The following GRIK3 variants were observed in gnomAD, a reference collection of about 807,000 sequenced individuals.
GRIK3 encodes the protein glutamate ionotropic receptor kainate type subunit 3.
In GRIK3, 29 loss-of-function variants were observed where a neutral mutation model predicts 102.5. The ratio of observed to expected loss-of-function variants is 0.28; its 90% CI spans 0.21 to 0.39. The LOEUF (loss-of-function observed/expected upper bound fraction) is 0.39. Among genes scored for constraint, GRIK3 ranks in the 10% least tolerant of loss-of-function variants. GRIK3 has a pLI of 1.00. For synonymous variants in GRIK3, 511 were observed against 504.9 expected, an observed-to-expected ratio of 1.01 and a Z score of -0.16; for missense variants, 908 against 1,252.4, an observed-to-expected ratio of 0.73 and a Z score of 4.15.
intron 1 of GRIK3, among the ~76,000 whole-genome samples, chr1:36,927,984 A>G (rs1045973758): frequency 1.3e-5 from 2 of 152,336 alleles, no homozygotes; most frequent in Admixed American, 1.3e-4. Flanking sequence ...GGGGGGTACC[A>G]GGCCTTGACT....
At chr1:36,939,406 G>A (rs1641696038) in intron 1 of GRIK3, among the ~76,000 whole-genome samples, 1 of 152,216 alleles carries the variant, frequency 6.6e-6, no homozygotes, top group Admixed American at 6.5e-5. Context: ...AGTAAGGAGA[G>A]CTACGTTGAC....
intron 13 of GRIK3, among the ~76,000 whole-genome samples, chr1:36,807,975 C>T (rs1205233347): frequency 2.0e-5 from 3 of 152,218 alleles, no homozygotes; most frequent in African/African-American, 7.2e-5. Flanking sequence ...TGCTACTCTC[C>T]AGCTACTCCA....
At position 36,841,834 on chromosome 1, in the gene GRIK3, C is replaced by T. The variant is rs1446073073; in HGVS notation, c.1432G>A (p.Gly478Ser). The T allele has an allele frequency of 6.2e-7, 1 of 1,614,048 alleles. No individual in the cohort carries two copies. The highest frequency in any genetic ancestry group is 1.7e-5 in the Admixed American group (1 of 60,010). ...DLLKELAHILGFSYEIRLVED... is the reference protein window; with the variant it reads ...DLLKELAHILSFSYEIRLVED... ...ACCAGCCGGATCTCATAGGAGAAACCAAGGATGTGGGCCAGCTCCTTTAGC... is the reference window on the plus strand; with the variant it reads ...ACCAGCCGGATCTCATAGGAGAAACTAAGGATGTGGGCCAGCTCCTTTAGC... The change falls in exon 10 of 16, where the codon GGT becomes AGT. Residue 478 changes from glycine (G) to serine (S), a missense_variant. By Grantham distance (56) the Gly-to-Ser change is moderately conservative (BLOSUM62 0). This residue lies in a region of GRIK3 where 585 missense variants were observed against 824.9 expected (regional missense o/e 0.71). Coordinates refer to ENST00000373091, the MANE Select transcript of GRIK3 (RefSeq NM_000831.4).
intron 1 of GRIK3, among the ~76,000 whole-genome samples, chr1:36,955,937 C>T (rs1201005934): frequency 4.6e-5 from 7 of 152,236 alleles, no homozygotes; most frequent in African/African-American, 1.7e-4. Flanking sequence ...AACAAAGGCT[C>T]GGCATCAGAC....
intron 1 of GRIK3, among the ~76,000 whole-genome samples, chr1:36,915,282 C>T (rs1057158916): frequency 1.3e-5 from 2 of 152,170 alleles, no homozygotes; most frequent in Non-Finnish European, 2.9e-5. Flanking sequence ...GTACAGTCCA[C>T]CTCTTCTCCC....
intron 1 of GRIK3, among the ~76,000 whole-genome samples, chr1:36,896,946 A>C (rs1001184250): frequency 1.3e-5 from 2 of 152,206 alleles, no homozygotes; most frequent in Non-Finnish European, 2.9e-5. Flanking sequence ...AAAATTCAAC[A>C]ACTATTCATG....
Position 36,929,346 on chromosome 1 carries a change from T to A in GRIK3, c.116-38250A>T, listed in dbSNP as rs187699048. ...TTGTAGAATAAATGGGTGAAGGTAC[T>A]GATGGATGCATGAATAAATTTAGAT... On this transcript the variant is annotated intron_variant, in intron 1 of 15. Coordinates refer to ENST00000373091, the MANE Select transcript of GRIK3 (RefSeq NM_000831.4). Among the ~76,000 whole-genome samples, 232 of 152,314 alleles carry A rather than the reference T, an allele frequency of 1.5e-3. 2 individuals carry two copies. In the South Asian group the frequency reaches 0.017, roughly 11 times the overall value.
intron 1 of GRIK3, among the ~76,000 whole-genome samples, chr1:36,948,982 G>T (rs566853027): frequency 1.3e-5 from 2 of 152,354 alleles, no homozygotes; most frequent in South Asian, 4.1e-4. Context: ...CTGAGCAGGG[G>T]TCAAGGGCAC....
At chr1:36,818,103 G>A (rs979187902) in intron 12 of GRIK3, among the ~76,000 whole-genome samples, 34 of 152,298 alleles carry the variant, frequency 2.2e-4, no homozygotes, top group African/African-American at 3.8e-4. Context: ...TCTGAAAACC[G>A]TCTGCTTTGA....
At chr1:36,859,347 A>G (rs899901457) in intron 6 of GRIK3, 96 bp from the exon 7 acceptor site, 8 of 1,341,460 alleles carry the variant, frequency 6.0e-6, no homozygotes, top group African/African-American at 1.5e-5. Flanking sequence ...CCACAGGTAC[A>G]TGATGTCCTG....
At chr1:36,810,886 C>G (rs568487491) in intron 13 of GRIK3, among the ~76,000 whole-genome samples, 25 of 152,320 alleles carry the variant, frequency 1.6e-4, no homozygotes, top group African/African-American at 5.5e-4. Flanking sequence ...TCACCTCCCC[C>G]CATCCCGGCA....
At chr1:36,991,921 G>A (rs575115541) in intron 1 of GRIK3, among the ~76,000 whole-genome samples, 228 of 152,330 alleles carry the variant, frequency 1.5e-3, no homozygotes, top group Non-Finnish European at 2.7e-3. Context: ...AGTGTGCTGG[G>A]CAGAGCTGGT....
chr1:36,898,958 C>G (rs1441516505), intron 1 of GRIK3, among the ~76,000 whole-genome samples: 1 of 152,094 alleles, frequency 6.6e-6, no homozygotes, highest in Non-Finnish European at 1.5e-5. Flanking sequence ...ACAAATAATG[C>G]TGGAATAACT....
At chr1:36,805,325 C>T in intron 14 of GRIK3, 88 bp from the exon 15 acceptor site, 2 of 1,370,234 alleles carry the variant, frequency 1.5e-6, no homozygotes, top group Non-Finnish European at 2.0e-6. Flanking sequence ...AGGTCACCAC[C>T]ACTAGCCCTC....
intron 5 of GRIK3, among the ~76,000 whole-genome samples, chr1:36,868,002 C>T (rs1640804067): frequency 6.6e-6 from 1 of 152,136 alleles, no homozygotes; most frequent in Non-Finnish European, 1.5e-5. Context: ...ACCCCAGTGA[C>T]CCCAGTACCT....
intron 1 of GRIK3, among the ~76,000 whole-genome samples, chr1:36,939,395 T>C (rs1190416702): frequency 1.3e-5 from 2 of 152,128 alleles, no homozygotes; most frequent in Non-Finnish European, 2.9e-5. Flanking sequence ...CTTCTGCAAA[T>C]AGTAAGGAGA....
intron 10 of GRIK3, among the ~76,000 whole-genome samples, chr1:36,830,259 T>G (rs1368393588): frequency 6.6e-6 from 1 of 152,136 alleles, no homozygotes; most frequent in African/African-American, 2.4e-5. Context: ...TTTAAACTGG[T>G]AAGTGGCTGA....
chr1:36,869,835 GA>G (rs1640823024), intron 4 of GRIK3, 34 bp from the exon 5 acceptor site: 1 of 1,568,630 alleles, frequency 6.4e-7, no homozygotes, highest in South Asian at 1.1e-5. Flanking sequence ...GATCAGCAGG[GA>G]ACCCCTGGGC....
At chr1:36,868,647 C>T (rs980541083) in intron 5 of GRIK3, among the ~76,000 whole-genome samples, 10 of 152,228 alleles carry the variant, frequency 6.6e-5, no homozygotes, top group African/African-American at 2.2e-4. Flanking sequence ...GGCTCTCGCC[C>T]GCTGGATCAA....
Sources: allele counts gnomAD v4.1 joint callset (sites outside exome capture counted in the v4.1 genomes callset), GRCh38; gene constraint gnomAD v4.1.1; regional missense constraint gnomAD v4.1.1; transcripts MANE v1.5; gene names NCBI Gene and HGNC (gene_info 2026-07-23, HGNC 2026-07-21).